CFAP61: variants seen among roughly 807,000 people sequenced by gnomAD.
CFAP61 encodes the protein cilia and flagella associated protein 61.
In CFAP61, 107 loss-of-function variants were observed where a neutral mutation model predicts 135.6. The observed-to-expected ratio is 0.79, with a 90% CI of 0.67 to 0.93. The LOEUF is 0.93. Among genes scored for constraint, CFAP61 ranks in the 40% least tolerant of loss-of-function variants. The probability of loss-of-function intolerance (pLI) is 0.00; values close to 1 mark genes in which losing one functional copy is unlikely to be tolerated. For synonymous variants in CFAP61, 575 were observed against 578.5 expected, an observed-to-expected ratio of 0.99 and a Z score of 0.09; for missense variants, 1,507 against 1,556.2, an observed-to-expected ratio of 0.97 and a Z score of 0.53.
At position 20,180,347 on chromosome 20, in the gene CFAP61, C is replaced by A. The variant is rs75786992; in HGVS notation, c.1386-7583C>A. Among the ~76,000 whole-genome samples, 7 of 146,216 alleles carry A rather than the reference C, an allele frequency of 4.8e-5. 1 individual carries two copies. The highest frequency in any genetic ancestry group is 4.3e-4 in the South Asian group (2 of 4,672). On this transcript the variant is annotated intron_variant, in intron 13 of 26. Transcript: ENST00000245957. ...CTGTCTCAAAAAGAAAAAAAAAAAA[C>A]TGGGCACAGAACGTGAATAGACACT...
At chr20:20,121,673 T>C (rs1202763628) in intron 8 of CFAP61, among the ~76,000 whole-genome samples, 2 of 152,108 alleles carry the variant, frequency 1.3e-5, no homozygotes, top group Non-Finnish European at 2.9e-5. Context: ...TTTTGTATTT[T>C]AGTTGAGATG....
intron 18 of CFAP61, chr20:20,233,062 T>C (rs1456250127): frequency 6.6e-6 from 1 of 152,208 alleles, no homozygotes; most frequent in Non-Finnish European, 1.5e-5. Flanking sequence ...AAGAATAGCT[T>C]GGACCAAGCA....
chr20:20,247,276 G>A (rs1173539492), intron 19 of CFAP61, among the ~76,000 whole-genome samples: 1 of 152,166 alleles, frequency 6.6e-6, no homozygotes, highest in African/African-American at 2.4e-5. Context: ...GTCTTAAGAG[G>A]AACTTAATTC....
chr20:20,239,536 A>G (rs2049859362), intron 18 of CFAP61, among the ~76,000 whole-genome samples: 1 of 152,210 alleles, frequency 6.6e-6, no homozygotes, highest in South Asian at 2.1e-4. Context: ...AAAATGTACT[A>G]TGCAGAGGCG....
In CFAP61 at chr20:20,298,177, C is replaced by A. The variant is rs781694213; in HGVS notation, c.3217-4C>A. On this transcript the variant is annotated splice_region_variant and splice_polypyrimidine_tract_variant and intron_variant, in intron 24 of 26. Transcript: ENST00000245957. Reference sequence around the variant, plus strand: ...TGTTTTTCTTGTCCACATCCCTCCTCCAGGGTTTAGAACTAGTAACCGGCA... The same window carrying A: ...TGTTTTTCTTGTCCACATCCCTCCTACAGGGTTTAGAACTAGTAACCGGCA... 1 of 1,608,436 alleles carries A rather than the reference C, an allele frequency of 6.2e-7. No homozygotes were observed. Among genetic ancestry groups the A allele is most frequent in the Middle Eastern group, 1.7e-4 (1 of 6,012 alleles).
chr20:20,263,243 A>G (rs1330894323), intron 21 of CFAP61, 113 bp downstream of exon 21: 1 of 678,708 alleles, frequency 1.5e-6, no homozygotes, highest in Non-Finnish European at 2.2e-6. Flanking sequence ...TTCCAACCAA[A>G]TCATTCATCT....
intron 18 of CFAP61, among the ~76,000 whole-genome samples, chr20:20,243,062 T>G (rs750761195): frequency 6.6e-6 from 1 of 152,206 alleles, no homozygotes; most frequent in South Asian, 2.1e-4. Context: ...GAAAGAGGTT[T>G]AATGGACTTA....
chr20:20,071,231 G>A (rs1252273270), intron 3 of CFAP61, among the ~76,000 whole-genome samples: 2 of 152,178 alleles, frequency 1.3e-5, no homozygotes, highest in African/African-American at 2.4e-5. Flanking sequence ...GGCCTGGATC[G>A]TGCTTCACTA....
intron 8 of CFAP61, among the ~76,000 whole-genome samples, chr20:20,106,033 T>TGC (rs2048379278): frequency 9.8e-6 from 1 of 101,776 alleles, no homozygotes; most frequent in Non-Finnish European, 1.9e-5. Flanking sequence ...TATATATATA[T>TGC]ATATATATAT....
chr20:20,232,002 T>A (rs889991485), intron 18 of CFAP61, among the ~76,000 whole-genome samples: 1 of 152,166 alleles, frequency 6.6e-6, no homozygotes, highest in African/African-American at 2.4e-5. Flanking sequence ...CATGTGCATT[T>A]TCCTTCTCGG....
At chr20:20,133,654 C>G (rs1320360501) in intron 8 of CFAP61, among the ~76,000 whole-genome samples, 1 of 152,202 alleles carries the variant, frequency 6.6e-6, no homozygotes, top group Non-Finnish European at 1.5e-5. Context: ...TCATGGTCTT[C>G]TTTTTCCTGA....
At chr20:20,074,596 CAGAT>C (rs1292912389) in intron 4 of CFAP61, among the ~76,000 whole-genome samples, 3 of 152,144 alleles carry the variant, frequency 2.0e-5, no homozygotes, top group African/African-American at 7.2e-5. Flanking sequence ...TTGAGGCAAA[CAGAT>C]AGTGCAGTAA....
intron 21 of CFAP61, among the ~76,000 whole-genome samples, chr20:20,274,813 A>G (rs1207911290): frequency 6.6e-6 from 1 of 152,236 alleles, no homozygotes; most frequent in Non-Finnish European, 1.5e-5. Flanking sequence ...TATTTAATAT[A>G]ACATTATATT....
chr20:20,096,254 A>T (rs1391182007), intron 7 of CFAP61, among the ~76,000 whole-genome samples: 1 of 152,236 alleles, frequency 6.6e-6, no homozygotes, highest in African/African-American at 2.4e-5. Context: ...AAAGAAACTC[A>T]AAGGAAAAAG....
chr20:20,319,135 C>T (rs992448484), intron 25 of CFAP61, among the ~76,000 whole-genome samples: 8 of 152,294 alleles, frequency 5.3e-5, no homozygotes, highest in African/African-American at 9.6e-5. Context: ...GTTCTCCTAG[C>T]GTGAAGCAGT....
chr20:20,329,363 C>T (rs1434569206), intron 25 of CFAP61, among the ~76,000 whole-genome samples: 1 of 152,190 alleles, frequency 6.6e-6, no homozygotes, highest in African/African-American at 2.4e-5. Flanking sequence ...CCCCTGTTCA[C>T]CTCTCTGTCC....
At chr20:20,360,133 C>A in intron 26 of CFAP61, 77 bp from the exon 27 acceptor site, 1 of 1,106,832 alleles carries the variant, frequency 9.0e-7, no homozygotes, top group Non-Finnish European at 1.4e-6. Context: ...CTGTTGTTTT[C>A]ATTCTCATGA....
At chr20:20,138,033 T>A (rs2051071319) in intron 8 of CFAP61, among the ~76,000 whole-genome samples, 1 of 152,118 alleles carries the variant, frequency 6.6e-6, no homozygotes, top group Admixed American at 6.5e-5. Context: ...CCAGGGTGTG[T>A]CTAGGAATGT....
chr20:20,300,945 G>C (rs1465687810), intron 25 of CFAP61, among the ~76,000 whole-genome samples: 2 of 152,034 alleles, frequency 1.3e-5, no homozygotes, highest in African/African-American at 4.8e-5. Context: ...TATTACAAAA[G>C]AGTCAAAAAG....
Sources: gnomAD v4.1 joint callset for allele counts (sites outside exome capture counted in the v4.1 genomes callset) on GRCh38, gnomAD v4.1.1 for gene constraint, MANE v1.5 for transcripts, NCBI Gene and HGNC (gene_info 2026-07-23, HGNC 2026-07-21) for gene names.